HDAC2: variants seen among roughly 807,000 people sequenced by gnomAD.
HDAC2 encodes the protein histone deacetylase 2.
A neutral mutation model predicts 68.5 loss-of-function variants in HDAC2; 5 were observed. The ratio of observed to expected loss-of-function variants is 0.07; its 90% CI spans 0.04 to 0.15. The LOEUF (loss-of-function observed/expected upper bound fraction) is 0.15, where lower values mean the gene tolerates loss of function less well. Ranked by LOEUF, HDAC2 falls within the 10% of genes least tolerant of loss-of-function variation. The pLI is 1.00. For missense variants in HDAC2, 291 were observed against 600.8 expected, an observed-to-expected ratio of 0.48 and a Z score of 5.39; for synonymous variants, 182 against 191.3, an observed-to-expected ratio of 0.95 and a Z score of 0.40.
chr6:113,962,038 G>T (rs780526303), intron 1 of HDAC2, among the ~76,000 whole-genome samples: 8 of 150,916 alleles, frequency 5.3e-5, no homozygotes, highest in Non-Finnish European at 7.4e-5. Context: ...AAAGCCCCAG[G>T]CCCCAATAAT....
chr6:113,933,812 T>C lies in HDAC2; in HGVS notation c.*7246A>G, dbSNP rs942201022. The C allele has an allele frequency of 2.6e-5, 4 of 151,980 alleles. No individual in the cohort carries two copies. The highest frequency in any genetic ancestry group is 9.7e-5 in the African/African-American group (4 of 41,378). 9.4% of individuals were successfully genotyped at this position (151,980 alleles called of 1,614,324 possible). A position where few individuals can be genotyped will look rare whatever the true frequency, so the allele number is the denominator to read the frequency against. On this transcript the variant is annotated 3_prime_UTR_variant, in exon 14 of 14. Coordinates refer to ENST00000519065, the MANE Select transcript of HDAC2 (RefSeq NM_001527.4). ...ACACATATATACACATGTATATATA[T>C]ATATGTGTGTGTATACATATATATA...
In HDAC2 at chr6:113,943,317, A is replaced by C. The variant is rs186701762; in HGVS notation, c.1378+34T>G. 227 of 1,553,906 alleles carry C rather than the reference A, an allele frequency of 1.5e-4. 1 individual carries two copies. In the African/African-American group the frequency reaches 2.5e-3, roughly 17 times the overall value. ...ATGCAGCCCAATTTTTAAAATTTAC[A>C]ATTAAAACACAATTACCAAGAAACA... On this transcript the variant is annotated intron_variant, in intron 12 of 13. Coordinates refer to ENST00000519065, the MANE Select transcript of HDAC2 (RefSeq NM_001527.4).
At chr6:113,970,627 A>G in intron 1 of HDAC2, 1 of 1,336,022 alleles carries the variant, frequency 7.5e-7, no homozygotes. Flanking sequence ...GGGGAGAGGC[A>G]GGAGACAAGA....
At chr6:113,964,080 G>C (rs1452105470) in intron 1 of HDAC2, among the ~76,000 whole-genome samples, 2 of 152,078 alleles carry the variant, frequency 1.3e-5, no homozygotes, top group Non-Finnish European at 2.9e-5. Context: ...AAAAAAGTGT[G>C]AATATTCACG....
At position 113,970,893 on chromosome 6, in the gene HDAC2, C is replaced by T. The variant is rs1408130521; in HGVS notation, c.16G>A (p.Gly6Arg). The part of the protein sequence containing the change: MAYSQ[G>R]GGKKKVCYYY... Reference sequence around the variant, plus strand: ...TAGCAGACTTTTTTTTTGCCGCCTCCTTGACTGTACGCCATGGGCTCCCCG... The same window carrying T: ...TAGCAGACTTTTTTTTTGCCGCCTCTTTGACTGTACGCCATGGGCTCCCCG... Residue 6 changes from glycine (G) to arginine (R), a missense_variant, in exon 1 of 14, where the codon GGA becomes AGA. Gly to Arg is a moderately radical substitution (Grantham distance 125). This residue lies in a region of HDAC2 where 154 missense variants were observed against 472.1 expected (regional missense o/e 0.33). Transcript: ENST00000519065. 3.2e-6 allele frequency: 5 copies of T among 1,548,090 alleles called. No individual in the cohort carries two copies. In the Admixed American group the frequency reaches 7.8e-5, roughly 24 times the overall value.
In HDAC2 at chr6:113,940,207, G is replaced by A. The variant is rs969601705; in HGVS notation, c.*851C>T. On this transcript the variant is annotated 3_prime_UTR_variant, in exon 14 of 14. Transcript: ENST00000519065. ...TAAGTAGTTGCTGAATGATAAATCA[G>A]TTGTGTTTATTTCCTTGAGTTAGAA... 7 of 152,190 alleles carry A rather than the reference G, an allele frequency of 4.6e-5. No individual in the cohort carries two copies. The highest frequency in any genetic ancestry group is 1.7e-4 in the African/African-American group (7 of 41,448). 9.4% of individuals were successfully genotyped at this position (152,190 alleles called of 1,614,324 possible).
chr6:113,970,968 T>C lies in HDAC2; in HGVS notation c.-60A>G, dbSNP rs767025051. On this transcript the variant is annotated 5_prime_UTR_variant, in exon 1 of 14. Coordinates refer to ENST00000519065, the MANE Select transcript of HDAC2 (RefSeq NM_001527.4). ...CTCCTGCTGCTGCTGCTGCTGCTGCTGCCGCCGCGGCTCGGCCGGGAGAGA... is the reference window on the plus strand; with the variant it reads ...CTCCTGCTGCTGCTGCTGCTGCTGCCGCCGCCGCGGCTCGGCCGGGAGAGA... 6.1e-5 allele frequency: 96 copies of C among 1,563,222 alleles called. No individual in the cohort carries two copies. The highest frequency in any genetic ancestry group is 1.8e-4 in the African/African-American group (13 of 73,620).
Position 113,933,834 on chromosome 6 carries a change from T to G in HDAC2, c.*7224A>C, listed in dbSNP as rs1215349291. 3 of 151,952 alleles carry G rather than the reference T, an allele frequency of 2.0e-5. No individual in the cohort carries two copies. Among genetic ancestry groups the G allele is most frequent in the African/African-American group, 7.3e-5 (3 of 41,368 alleles). 9.4% of individuals were successfully genotyped at this position (151,952 alleles called of 1,614,324 possible). A position where few individuals can be genotyped will look rare whatever the true frequency, so the allele number is the denominator to read the frequency against. On this transcript the variant is annotated 3_prime_UTR_variant, in exon 14 of 14. Transcript: ENST00000519065. ...ATATATATGTGTGTGTATACATATA[T>G]ATAGAAGGAATTCTCTTTCTTTTAT...
At chr6:113,962,982 G>T (rs1012268035) in intron 1 of HDAC2, among the ~76,000 whole-genome samples, 5 of 143,828 alleles carry the variant, frequency 3.5e-5, no homozygotes, top group Admixed American at 2.1e-4. Context: ...AAAAAAAAAA[G>T]AATTCTTCTA....
chr6:113,956,847 T>C (rs1562146388), intron 3 of HDAC2, 154 bp from the exon 4 acceptor site: 1 of 577,542 alleles, frequency 1.7e-6, no homozygotes, highest in Non-Finnish European at 3.1e-6. Context: ...CTTTAAAATA[T>C]ATTTATTGTT....
chr6:113,951,553 C>T lies in HDAC2; in HGVS notation c.639+1724G>A, dbSNP rs369211337. 4.2e-4 allele frequency among the ~76,000 whole-genome samples: 64 copies of T among 151,316 alleles called. No individual in the cohort carries two copies. In the East Asian group the frequency reaches 9.2e-3, roughly 22 times the overall value. On this transcript the variant is annotated intron_variant, in intron 6 of 13. Transcript: ENST00000519065. ...AGCGATCTCGGCTCACAGCAAGCTC[C>T]GCCTCCCGGGTTCACGCCATTCTCC...
chr6:113,943,129 A>G (rs1776177096), intron 12 of HDAC2, among the ~76,000 whole-genome samples: 1 of 152,182 alleles, frequency 6.6e-6, no homozygotes, highest in Non-Finnish European at 1.5e-5. Context: ...TGTTATCAAG[A>G]AAATAAGGTT....
rs1313859960 is a variant in HDAC2, at chr6:113,954,880, A to C, written c.497+1133T>G. On this transcript the variant is annotated intron_variant, in intron 5 of 13. Coordinates refer to ENST00000519065, the MANE Select transcript of HDAC2 (RefSeq NM_001527.4). ...TAACATTGCGAACATCCAAATTCCT[A>C]AGTACCTCTATAGATCTCTCTCTCA... 3.9e-5 allele frequency among the ~76,000 whole-genome samples: 6 copies of C among 152,230 alleles called. No homozygotes were observed. The East Asian group carries it at 1.2e-3, about 29-fold the overall frequency.
At chr6:113,941,668 T>TA (rs746390820) in intron 13 of HDAC2, 40 bp downstream of exon 13, 1 of 781,424 alleles carries the variant, frequency 1.3e-6, no homozygotes, top group Non-Finnish European at 2.0e-6. Context: ...TTAGTATTTT[T>TA]ATAGTATGTA....
chr6:113,934,495 T>A lies in HDAC2; in HGVS notation c.*6563A>T, dbSNP rs1392181712. 2 of 152,268 alleles carry A rather than the reference T, an allele frequency of 1.3e-5. No individual in the cohort carries two copies. The highest frequency in any genetic ancestry group is 4.8e-5 in the African/African-American group (2 of 41,456). The allele number at this position is 152,268 out of a possible 1,614,324, so 9.4% of individuals were successfully genotyped here. On this transcript the variant is annotated 3_prime_UTR_variant, in exon 14 of 14. Transcript: ENST00000519065. ...GCTGCTCTAGATGATGATGGTGTTT[T>A]GAGGTCAGGTCGGAAGTACAAACAA... is the stretch of plus-strand genomic sequence containing the variant.
chr6:113,933,810 T>A lies in HDAC2; in HGVS notation c.*7248A>T, dbSNP rs1473709172. 6.6e-6 allele frequency: 1 copy of A among 151,960 alleles called. No homozygotes were observed. The highest frequency in any genetic ancestry group is 1.9e-4 in the East Asian group (1 of 5,172). 9.4% of individuals were successfully genotyped at this position (151,960 alleles called of 1,614,324 possible). A position where few individuals can be genotyped will look rare whatever the true frequency, so the allele number is the denominator to read the frequency against. On this transcript the variant is annotated 3_prime_UTR_variant, in exon 14 of 14. Coordinates refer to ENST00000519065, the MANE Select transcript of HDAC2 (RefSeq NM_001527.4). Reference sequence around the variant, plus strand: ...ACACACATATATACACATGTATATATATATATGTGTGTGTATACATATATA... The same window carrying A: ...ACACACATATATACACATGTATATAAATATATGTGTGTGTATACATATATA...
In HDAC2 at chr6:113,948,975, T is replaced by C; in HGVS notation, c.841+4A>G. 6.2e-7 allele frequency: 1 copy of C among 1,612,952 alleles called. No individual in the cohort carries two copies. ...CTGGAAATACCACCCTTTGAATTGC[T>C]TACCTTTGACTGTTAGATTGAAACA... On this transcript the variant is annotated splice_donor_region_variant and intron_variant, in intron 8 of 13. Transcript: ENST00000519065.
chr6:113,956,264 AAAG>A, intron 4 of HDAC2, 113 bp from the exon 5 acceptor site: 1 of 882,880 alleles, frequency 1.1e-6, no homozygotes, highest in Non-Finnish European at 1.7e-6. Flanking sequence ...TAAAATCATG[AAAG>A]TTAACAGAAA....
At chr6:113,955,371 G>A (rs983568606) in intron 5 of HDAC2, among the ~76,000 whole-genome samples, 4 of 151,080 alleles carry the variant, frequency 2.6e-5, no homozygotes, top group African/African-American at 4.9e-5. Flanking sequence ...ACGCCACCAC[G>A]CCCGGCTAAT....
Sources: allele counts gnomAD v4.1 joint callset (sites outside exome capture counted in the v4.1 genomes callset), GRCh38; gene constraint gnomAD v4.1.1; regional missense constraint gnomAD v4.1.1; transcripts MANE v1.5; gene names NCBI Gene and HGNC (gene_info 2026-07-23, HGNC 2026-07-21).